Variants in SLX4IP observed in about 807,000 individuals in gnomAD.
SLX4IP encodes the protein SLX4 interacting protein.
In SLX4IP, 34 loss-of-function variants were observed where a neutral mutation model predicts 32.9. The ratio of observed to expected loss-of-function variants is 1.03; its 90% CI spans 0.79 to 1.38. The LOEUF (loss-of-function observed/expected upper bound fraction) is 1.38. Ranked by LOEUF, SLX4IP falls within the 40% of genes most tolerant of loss-of-function variation. SLX4IP has a pLI of 0.00. For missense variants in SLX4IP, 444 were observed against 479.0 expected (o/e 0.93, Z 0.68); for synonymous variants, 172 against 171.7 (o/e 1.00, Z -0.01).
At chr20:10,527,170 G>A (rs775631670) in intron 2 of SLX4IP, among the ~76,000 whole-genome samples, 1 of 152,174 alleles carries the variant, frequency 6.6e-6, no homozygotes, top group African/African-American at 2.4e-5. Context: ...TATGCTAGGC[G>A]CTGGCTCTAT....
chr20:10,485,091 C>T (rs566323609), intron 2 of SLX4IP, among the ~76,000 whole-genome samples: 6 of 151,938 alleles, frequency 3.9e-5, no homozygotes, highest in African/African-American at 9.7e-5. Context: ...GCCCAACATA[C>T]GAGATTAGCC....
chr20:10,484,898 C>T (rs2065558945), intron 2 of SLX4IP, among the ~76,000 whole-genome samples: 1 of 151,928 alleles, frequency 6.6e-6, no homozygotes, highest in African/African-American at 2.4e-5. Context: ...CATGTGGGTA[C>T]ACCTGAATTC....
chr20:10,554,653 A>G (rs2066249541), intron 2 of SLX4IP, among the ~76,000 whole-genome samples: 1 of 151,956 alleles, frequency 6.6e-6, no homozygotes, highest in South Asian at 2.1e-4. Context: ...TTGTAGTTGT[A>G]TCTCTTGGTG....
chr20:10,599,348 A>G (rs6077844), intron 5 of SLX4IP, among the ~76,000 whole-genome samples: 89,828 of 152,104 alleles, frequency 0.59, 26,801 homozygotes, highest in African/African-American at 0.66. Flanking sequence ...AAATTAACAT[A>G]TAGAGGCTTG....
At chr20:10,444,399 C>G (rs6074142) in intron 1 of SLX4IP, among the ~76,000 whole-genome samples, 75,148 of 151,716 alleles carry the variant, frequency 0.5, 19,949 homozygotes, top group Non-Finnish European at 0.6. Context: ...TTTTTTTGAG[C>G]TGGAGTCTCG....
At chr20:10,585,007 C>T (rs995394300) in intron 4 of SLX4IP, among the ~76,000 whole-genome samples, 3 of 152,056 alleles carry the variant, frequency 2.0e-5, no homozygotes, top group Non-Finnish European at 4.4e-5. Context: ...AAAGAAAAAG[C>T]AGAAAGCAAG....
chr20:10,488,313 A>G (rs1488852628), intron 2 of SLX4IP, among the ~76,000 whole-genome samples: 1 of 152,164 alleles, frequency 6.6e-6, no homozygotes, highest in Non-Finnish European at 1.5e-5. Context: ...AGGGAAGATG[A>G]TGTGAAGACA....
At chr20:10,502,301 C>A (rs187636477) in intron 2 of SLX4IP, among the ~76,000 whole-genome samples, 1 of 152,134 alleles carries the variant, frequency 6.6e-6, no homozygotes, top group African/African-American at 2.4e-5. Flanking sequence ...TCTGTGCCCT[C>A]GCCTCCCTTC....
chr20:10,502,898 G>A lies in SLX4IP; in HGVS notation c.27+44667G>A, dbSNP rs189777284. 1.2e-3 allele frequency among the ~76,000 whole-genome samples: 186 copies of A among 152,266 alleles called. 3 individuals are homozygous for A. In the Middle Eastern group the frequency reaches 0.027, roughly 22 times the overall value. On this transcript the variant is annotated intron_variant, in intron 2 of 7. Transcript: ENST00000334534. Reference sequence around the variant, plus strand: ...ATGTCTGGCACATAATAGGTGCTCAGTAAATATTTAGAGAATTTGCCAGTA... The same window carrying A: ...ATGTCTGGCACATAATAGGTGCTCAATAAATATTTAGAGAATTTGCCAGTA...
At chr20:10,610,582 C>T (rs1019355487) in intron 6 of SLX4IP, among the ~76,000 whole-genome samples, 9 of 152,222 alleles carry the variant, frequency 5.9e-5, no homozygotes, top group African/African-American at 1.7e-4. Flanking sequence ...ATGTCTGCCT[C>T]GTGCATGTCT....
At chr20:10,444,878 TG>T (rs940847647) in intron 1 of SLX4IP, among the ~76,000 whole-genome samples, 4 of 152,020 alleles carry the variant, frequency 2.6e-5, no homozygotes, top group Non-Finnish European at 4.4e-5. Flanking sequence ...CATATAAATT[TG>T]GGGGGATACC....
At chr20:10,596,807 T>C (rs2066776125) in intron 4 of SLX4IP, among the ~76,000 whole-genome samples, 1 of 152,210 alleles carries the variant, frequency 6.6e-6, no homozygotes, top group South Asian at 2.1e-4. Flanking sequence ...TAGAAATGAC[T>C]TCCATTCTCT....
chr20:10,619,274 T>G (rs1301438131), intron 6 of SLX4IP, among the ~76,000 whole-genome samples: 1 of 149,912 alleles, frequency 6.7e-6, no homozygotes. Context: ...GAACAGGACA[T>G]TTCCTCCTGT....
intron 2 of SLX4IP, among the ~76,000 whole-genome samples, chr20:10,480,602 A>G (rs538302649): frequency 3.9e-5 from 6 of 152,350 alleles, no homozygotes; most frequent in East Asian, 3.9e-4. Context: ...TTAACAATAG[A>G]TAAAAGAAGA....
chr20:10,620,687 G>A (rs942574129), intron 6 of SLX4IP, among the ~76,000 whole-genome samples: 1 of 152,076 alleles, frequency 6.6e-6, no homozygotes, highest in African/African-American at 2.4e-5. Flanking sequence ...CCAAGTAGCT[G>A]GGACTACAGG....
intron 2 of SLX4IP, among the ~76,000 whole-genome samples, chr20:10,524,345 G>A (rs607064): frequency 0.52 from 79,389 of 151,958 alleles, 21,707 homozygotes; most frequent in South Asian, 0.69. Flanking sequence ...CAGTGCCCAG[G>A]TTTACACATA....
At chr20:10,609,720 C>T (rs1198986836) in intron 6 of SLX4IP, among the ~76,000 whole-genome samples, 1 of 152,074 alleles carries the variant, frequency 6.6e-6, no homozygotes, top group Non-Finnish European at 1.5e-5. Flanking sequence ...TTCATCATCC[C>T]GAAAGAGGTC....
At chr20:10,533,563 C>T (rs2066008554) in intron 2 of SLX4IP, among the ~76,000 whole-genome samples, 1 of 151,134 alleles carries the variant, frequency 6.6e-6, no homozygotes, top group Admixed American at 6.6e-5. Context: ...GGTGATCCGC[C>T]TGCCTCAGCC....
rs111351514 is a variant in SLX4IP at position 10,542,908 on chromosome 20, G to A, written c.28-13323G>A. On this transcript the variant is annotated intron_variant, in intron 2 of 7. Coordinates refer to ENST00000334534, the MANE Select transcript of SLX4IP (RefSeq NM_001009608.3). Reference sequence around the variant, plus strand: ...GCAGTGACATCCACCTATTTTGTGGGTATGTCCCCTATATATTCATCCATT... The same window carrying A: ...GCAGTGACATCCACCTATTTTGTGGATATGTCCCCTATATATTCATCCATT... 4.0e-3 allele frequency among the ~76,000 whole-genome samples: 609 copies of A among 152,264 alleles called. 6 individuals are homozygous for A. Among genetic ancestry groups the A allele is most frequent in the African/African-American group, 0.014 (575 of 41,538 alleles).
Sources: gnomAD v4.1 joint callset for allele counts (sites outside exome capture counted in the v4.1 genomes callset) on GRCh38, gnomAD v4.1.1 for gene constraint, MANE v1.5 for transcripts, NCBI Gene and HGNC (gene_info 2026-07-23, HGNC 2026-07-21) for gene names.